The following DENND6A variants were observed in gnomAD, a reference collection of about 807,000 sequenced individuals.
DENND6A encodes the protein DENN domain containing 6A, also known as protein DENND6A.
In DENND6A, 43 loss-of-function variants were observed where a neutral mutation model predicts 95.5. The ratio of observed to expected loss-of-function variants is 0.45; its 90% CI spans 0.35 to 0.58. DENND6A has a LOEUF of 0.58. Among genes scored for constraint, DENND6A ranks in the 20% least tolerant of loss-of-function variants. The pLI, the probability that DENND6A is intolerant of heterozygous loss-of-function variation, is 0.00. For synonymous variants in DENND6A, 257 were observed against 260.4 expected, an observed-to-expected ratio of 0.99 and a Z score of 0.13; for missense variants, 574 against 736.0, an observed-to-expected ratio of 0.78 and a Z score of 2.55.
At chr3:57,653,941 CTTTTTTTTTTTT>C (rs1206882170) in intron 9 of DENND6A, among the ~76,000 whole-genome samples, 123 of 75,838 alleles carry the variant, frequency 1.6e-3, no homozygotes, top group Non-Finnish European at 2.5e-3. Context: ...TAGAAATTCA[CTTTTTTTTTTTT>C]TTTTTTTTTT....
intron 1 of DENND6A, among the ~76,000 whole-genome samples, chr3:57,676,417 C>G (rs2071710496): frequency 7.7e-6 from 1 of 130,362 alleles, no homozygotes; most frequent in South Asian, 2.8e-4. Context: ...CTTGCTGTTA[C>G]AAGATGTCTT....
intron 1 of DENND6A, among the ~76,000 whole-genome samples, chr3:57,674,903 T>C (rs995049488): frequency 1.3e-5 from 2 of 152,162 alleles, no homozygotes; most frequent in Non-Finnish European, 2.9e-5. Context: ...TTGTCTCTTA[T>C]AAGTGGGAGG....
At chr3:57,655,070 G>A (rs1390542185) in intron 9 of DENND6A, among the ~76,000 whole-genome samples, 2 of 147,834 alleles carry the variant, frequency 1.4e-5, no homozygotes, top group African/African-American at 5.0e-5. Flanking sequence ...GTCTCATTCT[G>A]TTGCCCAGGC....
intron 1 of DENND6A, 124 bp from the exon 2 acceptor site, chr3:57,672,562 C>A: frequency 1.1e-6 from 1 of 946,508 alleles, no homozygotes; most frequent in South Asian, 1.6e-5. Context: ...GCAGGCGGAT[C>A]ACTTGAGGTC....
intron 1 of DENND6A, among the ~76,000 whole-genome samples, chr3:57,681,979 A>G (rs1391377338): frequency 6.6e-6 from 1 of 152,214 alleles, no homozygotes; most frequent in Admixed American, 6.5e-5. Flanking sequence ...TGTGAATTTT[A>G]TATGTGAATA....
At chr3:57,667,104 C>G (rs1028157158) in intron 3 of DENND6A, among the ~76,000 whole-genome samples, 2 of 152,222 alleles carry the variant, frequency 1.3e-5, no homozygotes, top group Admixed American at 1.3e-4. Context: ...TCTAGGCTCA[C>G]TGCAACCTTC....
chr3:57,645,244 C>T (rs1164008142), intron 11 of DENND6A, among the ~76,000 whole-genome samples: 1 of 152,044 alleles, frequency 6.6e-6, no homozygotes, highest in African/African-American at 2.4e-5. Context: ...AGGCAGATCA[C>T]AAAGTCAGGA....
At chr3:57,656,625 A>T (rs1474955426) in intron 9 of DENND6A, among the ~76,000 whole-genome samples, 3 of 152,076 alleles carry the variant, frequency 2.0e-5, no homozygotes, top group African/African-American at 7.2e-5. Context: ...CAATCTTTTG[A>T]AGCAGTATTC....
In DENND6A at chr3:57,630,456, A is replaced by G. The variant is rs2070642394; in HGVS notation, c.1585T>C (p.Leu529=). 6.3e-7 allele frequency: 1 copy of G among 1,596,204 alleles called. No homozygotes were observed. Among genetic ancestry groups the G allele is most frequent in the Admixed American group, 1.9e-5 (1 of 52,946 alleles). Residue 529 remains leucine (L), a synonymous_variant, in exon 18 of 20, where the codon TTG becomes CTG. Transcript: ENST00000311128. ...AGAGCTTCTAGATGGAGTGCCTCCA[A>G]TTTTTGGGTCATTTCCTTCCTCCGG... is the stretch of plus-strand genomic sequence containing the variant. ...KTRRKEMTQK[L]EALHLEALCE...
chr3:57,675,649 A>G (rs1490228340), intron 1 of DENND6A, among the ~76,000 whole-genome samples: 1 of 152,210 alleles, frequency 6.6e-6, no homozygotes, highest in Non-Finnish European at 1.5e-5. Context: ...CAGCCCCTGC[A>G]AGGAAGCAGG....
chr3:57,636,458 T>A (rs965715149), intron 12 of DENND6A, among the ~76,000 whole-genome samples: 16 of 152,156 alleles, frequency 1.1e-4, no homozygotes, highest in African/African-American at 3.9e-4. Context: ...TAATTACCCG[T>A]ATCAATGAGC....
Position 57,634,698 on chromosome 3 carries a change from C to T in DENND6A, c.1198+6G>A. On this transcript the variant is annotated splice_donor_region_variant and intron_variant, in intron 13 of 19. Coordinates refer to ENST00000311128, the MANE Select transcript of DENND6A (RefSeq NM_152678.3). ...TATATATTTAAAAATCAATAAAAGT[C>T]AATACCAGGTTTGGAATCCAGAGTC... The T allele has an allele frequency of 6.5e-7, 1 of 1,538,150 alleles. No homozygotes were observed. Among genetic ancestry groups the T allele is most frequent in the Non-Finnish European group, 8.8e-7 (1 of 1,142,802 alleles).
rs1011607355 is a variant in DENND6A at position 57,660,741 on chromosome 3, T to C, written c.699+19A>G. 4 of 1,577,590 alleles carry C rather than the reference T, an allele frequency of 2.5e-6. No homozygotes were observed. Among genetic ancestry groups the C allele is most frequent in the South Asian group, 1.2e-5 (1 of 85,272 alleles). Reference sequence around the variant, plus strand: ...AAAAATAAAAATAAAAAGGAGACAATTGAGATATAAGATATTACCTTCATT... The same window carrying C: ...AAAAATAAAAATAAAAAGGAGACAACTGAGATATAAGATATTACCTTCATT... On this transcript the variant is annotated intron_variant, in intron 7 of 19. Transcript: ENST00000311128.
chr3:57,635,641 A>G (rs2070776227), intron 12 of DENND6A, among the ~76,000 whole-genome samples: 1 of 152,222 alleles, frequency 6.6e-6, no homozygotes, highest in South Asian at 2.1e-4. Context: ...CATAGATCAA[A>G]CTGCTAATTG....
chr3:57,635,728 A>C (rs1379548490), intron 12 of DENND6A, among the ~76,000 whole-genome samples: 1 of 152,232 alleles, frequency 6.6e-6, no homozygotes, highest in African/African-American at 2.4e-5. Context: ...AAATTTTAAG[A>C]GTATGTATTA....
chr3:57,630,353 A>G, intron 18 of DENND6A, 68 bp downstream of exon 18: 2 of 1,382,958 alleles, frequency 1.4e-6, no homozygotes, highest in Non-Finnish European at 2.0e-6. Flanking sequence ...ACAATCTTCA[A>G]CTTCTAAGCA....
intron 11 of DENND6A, 50 bp from the exon 12 acceptor site, chr3:57,641,797 T>G: frequency 1.2e-4 from 152 of 1,243,594 alleles, no homozygotes; most frequent in Middle Eastern, 1.9e-4. Flanking sequence ...AAAAGATGAA[T>G]GCTAAATCAG....
chr3:57,672,411 T>TA lies in DENND6A; in HGVS notation c.264dup (p.Thr89TyrfsTer2). 6.2e-7 allele frequency: 1 copy of TA among 1,612,846 alleles called. No homozygotes were observed. Among genetic ancestry groups the TA allele is most frequent in the Non-Finnish European group, 8.5e-7 (1 of 1,179,468 alleles). On this transcript the variant is annotated frameshift_variant, in exon 2 of 20. Coordinates refer to ENST00000311128, the MANE Select transcript of DENND6A (RefSeq NM_152678.3). LOFTEE classifies it high-confidence loss of function. ...GTATTTTTACTTACTTCTCTGTCAG[T>TA]AAGTTTGGAATGCTGAGGATAAATT...
intron 8 of DENND6A, among the ~76,000 whole-genome samples, chr3:57,658,560 A>G (rs1270309679): frequency 6.6e-6 from 1 of 152,208 alleles, no homozygotes; most frequent in Non-Finnish European, 1.5e-5. Context: ...ATAGTAAATC[A>G]GATTAATTTG....
Sources: allele counts gnomAD v4.1 joint callset (sites outside exome capture counted in the v4.1 genomes callset), GRCh38; gene constraint gnomAD v4.1.1; transcripts MANE v1.5; gene names NCBI Gene and HGNC (gene_info 2026-07-23, HGNC 2026-07-21).